Variants in RIT2 observed in about 807,000 individuals in gnomAD.
RIT2 encodes Ras like without CAAX 2.
RIT2 carries 24 observed loss-of-function variants against 23.7 expected under a neutral mutation model. The observed-to-expected ratio is 1.01, with a 90% confidence interval of 0.73 to 1.43. The LOEUF is 1.43. Ranked by LOEUF, RIT2 falls within the 40% of genes most tolerant of loss-of-function variation. The probability of loss-of-function intolerance (pLI) is 0.00; values close to 1 mark genes in which losing one functional copy is unlikely to be tolerated. For missense variants in RIT2, 236 were observed against 266.9 expected, an observed-to-expected ratio of 0.88 and a Z score of 0.81; for synonymous variants, 107 against 91.1, an observed-to-expected ratio of 1.17 and a Z score of -0.99.
chr18:42,763,461 CAAA>C (rs35389876), intron 4 of RIT2, among the ~76,000 whole-genome samples: 1 of 137,656 alleles, frequency 7.3e-6, no homozygotes, highest in Non-Finnish European at 1.6e-5. Flanking sequence ...GACTCCGTCT[CAAA>C]AAAAAAAAAA....
intron 1 of RIT2, among the ~76,000 whole-genome samples, chr18:43,095,415 T>C (rs752794244): frequency 3.3e-5 from 5 of 151,898 alleles, no homozygotes; most frequent in Non-Finnish European, 5.9e-5. Context: ...GGTTAAAAAA[T>C]GACGAGTTGA....
rs994058482 is a variant in RIT2 at position 42,963,200 on chromosome 18, A to T, written c.234+10874T>A. Reference sequence around the variant, plus strand: ...TATTTCTTTTCCAGGGCCTTTGAAGATTCTTAGGAATAAGAATATGTTTAA... The same window carrying T: ...TATTTCTTTTCCAGGGCCTTTGAAGTTTCTTAGGAATAAGAATATGTTTAA... On this transcript the variant is annotated intron_variant, in intron 3 of 4. Transcript: ENST00000326695. Among the ~76,000 whole-genome samples the T allele has an allele frequency of 2.6e-5, 4 of 152,170 alleles. No individual in the cohort carries two copies. The South Asian group carries it at 6.2e-4, about 24-fold the overall frequency.
At chr18:43,041,930 A>AAG (rs1555654021) in intron 1 of RIT2, among the ~76,000 whole-genome samples, 1 of 151,468 alleles carries the variant, frequency 6.6e-6, no homozygotes, top group Non-Finnish European at 1.5e-5. Flanking sequence ...CCTACAAAAT[A>AAG]ATATATATAT....
intron 1 of RIT2, among the ~76,000 whole-genome samples, chr18:43,075,097 C>T (rs1304587769): frequency 6.6e-6 from 1 of 152,002 alleles, no homozygotes; most frequent in Admixed American, 6.6e-5. Context: ...CTTTTAAAAA[C>T]ACAGTACTAA....
At chr18:42,750,550 G>A (rs531804946) in intron 4 of RIT2, among the ~76,000 whole-genome samples, 1 of 151,848 alleles carries the variant, frequency 6.6e-6, no homozygotes, top group South Asian at 2.1e-4. Flanking sequence ...GCTAAATATT[G>A]CAACATTCAC....
intron 4 of RIT2, among the ~76,000 whole-genome samples, chr18:42,831,397 C>A (rs1180156486): frequency 1.3e-5 from 2 of 152,150 alleles, no homozygotes; most frequent in Non-Finnish European, 2.9e-5. Flanking sequence ...TTATTGCTTT[C>A]TTTTCTACCA....
chr18:42,936,467 T>C (rs1048722263), intron 3 of RIT2, among the ~76,000 whole-genome samples: 24 of 152,128 alleles, frequency 1.6e-4, no homozygotes, highest in African/African-American at 5.5e-4. Flanking sequence ...ATGATGTTGT[T>C]TCAGTTTCAG....
intron 1 of RIT2, among the ~76,000 whole-genome samples, chr18:43,058,981 T>C (rs1912576491): frequency 6.7e-6 from 1 of 148,694 alleles, no homozygotes; most frequent in Admixed American, 6.8e-5. Context: ...CAGGACCCTC[T>C]TGCTTCCAAT....
intron 3 of RIT2, among the ~76,000 whole-genome samples, chr18:42,926,606 A>G (rs755269379): frequency 6.6e-6 from 1 of 151,968 alleles, no homozygotes; most frequent in Non-Finnish European, 1.5e-5. Flanking sequence ...AAATTACAGA[A>G]GGCAACATTC....
chr18:42,871,173 A>G (rs1324597891), intron 4 of RIT2, among the ~76,000 whole-genome samples: 1 of 152,226 alleles, frequency 6.6e-6, no homozygotes, highest in Non-Finnish European at 1.5e-5. Flanking sequence ...GCTCCTATTC[A>G]TCACCTAAAC....
At chr18:42,802,401 T>C (rs1379686108) in intron 4 of RIT2, among the ~76,000 whole-genome samples, 2 of 152,126 alleles carry the variant, frequency 1.3e-5, no homozygotes, top group Non-Finnish European at 2.9e-5. Context: ...AGTCAGAAAT[T>C]GCACTGTTCT....
chr18:42,906,095 T>C (rs1386516539), intron 4 of RIT2, among the ~76,000 whole-genome samples: 1 of 150,040 alleles, frequency 6.7e-6, no homozygotes, highest in East Asian at 1.9e-4. Context: ...TTAAGCCTTA[T>C]ATCTCTTGAC....
At chr18:42,976,644 TAAATACAAGAGTGTCTTGCATGTAAA>T (rs1910484111) in intron 2 of RIT2, among the ~76,000 whole-genome samples, 2 of 152,164 alleles carry the variant, frequency 1.3e-5, no homozygotes, top group African/African-American at 4.8e-5. Flanking sequence ...TTGTATGTAA[TAAATACAAGAGTGTCTTGCATGTAAA>T]AAAACTAATA....
intron 2 of RIT2, among the ~76,000 whole-genome samples, chr18:43,026,834 G>T (rs987353287): frequency 2.0e-5 from 3 of 151,946 alleles, no homozygotes; most frequent in African/African-American, 7.2e-5. Context: ...AAATTTTGGA[G>T]TTGTAACATA....
At chr18:43,037,334 T>G (rs1474349240) in intron 1 of RIT2, among the ~76,000 whole-genome samples, 1 of 152,124 alleles carries the variant, frequency 6.6e-6, no homozygotes. Context: ...TATTTAAAAG[T>G]TTCCCTTATC....
At chr18:42,932,266 AG>A (rs1450337667) in intron 3 of RIT2, among the ~76,000 whole-genome samples, 1 of 152,128 alleles carries the variant, frequency 6.6e-6, no homozygotes, top group Non-Finnish European at 1.5e-5. Context: ...CCTCCAGCTT[AG>A]TTACACCTCC....
chr18:42,995,106 C>T (rs1302882063), intron 2 of RIT2, among the ~76,000 whole-genome samples: 2 of 152,172 alleles, frequency 1.3e-5, no homozygotes, highest in African/African-American at 4.8e-5. Context: ...GGCAGTTAAA[C>T]CAGGCCTAAT....
intron 4 of RIT2, among the ~76,000 whole-genome samples, chr18:42,908,799 A>G (rs1908691113): frequency 1.3e-5 from 2 of 152,170 alleles, no homozygotes; most frequent in Non-Finnish European, 2.9e-5. Context: ...AAATGTATAC[A>G]TAGGTAAGTT....
intron 4 of RIT2, among the ~76,000 whole-genome samples, chr18:42,782,893 C>G (rs1943171): frequency 0.25 from 37,981 of 151,718 alleles, 5,380 homozygotes; most frequent in East Asian, 0.45. Context: ...AAAGAACAAG[C>G]AAGATCATTA....
Sources: gnomAD v4.1 joint callset for allele counts (sites outside exome capture counted in the v4.1 genomes callset) on GRCh38, gnomAD v4.1.1 for gene constraint, MANE v1.5 for transcripts, NCBI Gene and HGNC (gene_info 2026-07-23, HGNC 2026-07-21) for gene names.